RIMS2: variants seen among roughly 807,000 people sequenced by gnomAD.
RIMS2 encodes the protein regulating synaptic membrane exocytosis 2.
RIMS2 carries 59 observed loss-of-function variants against 174.4 expected under a neutral mutation model. The ratio of observed to expected loss-of-function variants is 0.34; its 90% CI spans 0.27 to 0.42. The LOEUF (loss-of-function observed/expected upper bound fraction) is 0.42, where lower values mean the gene tolerates loss of function less well. Among genes scored for constraint, RIMS2 ranks in the 10% least tolerant of loss-of-function variants. The probability of loss-of-function intolerance (pLI) is 1.00; values close to 1 mark genes in which losing one functional copy is unlikely to be tolerated. For synonymous variants in RIMS2, 606 were observed against 572.5 expected (o/e 1.06, Z -0.84); for missense variants, 1,620 against 1,666.3 (o/e 0.97, Z 0.48).
At chr8:104,029,597 T>C (rs1461457793) in intron 19 of RIMS2, among the ~76,000 whole-genome samples, 1 of 152,208 alleles carries the variant, frequency 6.6e-6, no homozygotes, top group Non-Finnish European at 1.5e-5. Context: ...TTTCAACAAA[T>C]ATTTGCTAAT....
At chr8:104,123,371 A>G (rs1322921278) in intron 19 of RIMS2, among the ~76,000 whole-genome samples, 1 of 152,052 alleles carries the variant, frequency 6.6e-6, no homozygotes, top group Non-Finnish European at 1.5e-5. Flanking sequence ...ATTATGTAGA[A>G]TGCACTAGTT....
chr8:103,555,564 C>T (rs1014551480), intron 1 of RIMS2, among the ~76,000 whole-genome samples: 1 of 152,008 alleles, frequency 6.6e-6, no homozygotes, highest in Non-Finnish European at 1.5e-5. Context: ...TATCTGTACT[C>T]CCATGTTCAT....
At chr8:103,888,610 C>T (rs1015664239) in intron 4 of RIMS2, among the ~76,000 whole-genome samples, 3 of 151,568 alleles carry the variant, frequency 2.0e-5, no homozygotes, top group Non-Finnish European at 4.4e-5. Flanking sequence ...ATGTAAAAAA[C>T]TCAGAAATGT....
chr8:104,071,515 A>ACCT (rs1315775082), intron 19 of RIMS2, among the ~76,000 whole-genome samples: 1 of 151,998 alleles, frequency 6.6e-6, no homozygotes, highest in Non-Finnish European at 1.5e-5. Flanking sequence ...GCTCACTGCA[A>ACCT]CCTCCGCCTC....
At chr8:103,582,723 G>A (rs1010095032) in intron 1 of RIMS2, among the ~76,000 whole-genome samples, 1 of 152,180 alleles carries the variant, frequency 6.6e-6, no homozygotes, top group African/African-American at 2.4e-5. Context: ...GGAGGGAAGA[G>A]TGGAAAGGAT....
chr8:103,975,706 G>A (rs2093355678), intron 16 of RIMS2, 200 bp downstream of exon 18: 1 of 420,296 alleles, frequency 2.4e-6, no homozygotes, highest in Non-Finnish European at 4.2e-6. Context: ...TAGTCCAAGT[G>A]TGAGTCCATT....
Position 103,512,931 on chromosome 8 carries a change from C to T in RIMS2, c.176+11869C>T, listed in dbSNP as rs909571123. Among the ~76,000 whole-genome samples, 10 of 152,240 alleles carry T rather than the reference C, an allele frequency of 6.6e-5. No individual in the cohort carries two copies. The South Asian group carries it at 1.4e-3, about 22-fold the overall frequency. ...TGTGTAACATAGTGAAGCTGATAAACTAAATCAGCAGGAAATTTTTTTTTG... is the reference window on the plus strand; with the variant it reads ...TGTGTAACATAGTGAAGCTGATAAATTAAATCAGCAGGAAATTTTTTTTTG... On this transcript the variant is annotated intron_variant, in intron 1 of 23. Coordinates refer to ENST00000504942, the Ensembl canonical transcript of RIMS2.
intron 3 of RIMS2, among the ~76,000 whole-genome samples, chr8:103,834,742 T>TTCTTTCTCTCTCTCTCTC (rs1406395709): frequency 1.0e-4 from 11 of 109,588 alleles, no homozygotes; most frequent in African/African-American, 4.7e-4. Context: ...CTTTCTTTCT[T>TTCTTTCTCTCTCTCTCTC]TCTCTCTCTT....
intron 14 of RIMS2, among the ~76,000 whole-genome samples, chr8:103,945,565 C>T (rs2083519410): frequency 6.6e-6 from 1 of 151,992 alleles, no homozygotes. Context: ...TCGAATCCAA[C>T]AGTGTATACA....
At chr8:103,562,675 C>T (rs530831540) in intron 1 of RIMS2, among the ~76,000 whole-genome samples, 3 of 152,298 alleles carry the variant, frequency 2.0e-5, no homozygotes, top group Admixed American at 6.5e-5. Context: ...CTTCTCATAG[C>T]TCCACTAGGC....
At chr8:103,628,018 T>G (rs1055209036) in intron 1 of RIMS2, among the ~76,000 whole-genome samples, 1 of 152,214 alleles carries the variant, frequency 6.6e-6, no homozygotes, top group African/African-American at 2.4e-5. Flanking sequence ...ATGCATGCTA[T>G]CTAGACCTCA....
intron 1 of RIMS2, among the ~76,000 whole-genome samples, chr8:103,661,535 G>A (rs1446410093): frequency 2.0e-5 from 3 of 151,466 alleles, no homozygotes; most frequent in Admixed American, 6.6e-5. Flanking sequence ...ACAGAGTCTC[G>A]CTCTGTCACC....
intron 1 of RIMS2, among the ~76,000 whole-genome samples, chr8:103,508,481 C>T (rs1047169945): frequency 3.3e-5 from 5 of 149,282 alleles, no homozygotes; most frequent in African/African-American, 1.2e-4. Context: ...AAAAAGAAGA[C>T]GATGCAGGAC....
chr8:104,101,180 G>A (rs1254148692), intron 19 of RIMS2, among the ~76,000 whole-genome samples: 5 of 149,684 alleles, frequency 3.3e-5, no homozygotes, highest in African/African-American at 1.2e-4. Context: ...ATGCTGGAGT[G>A]CAGTGGCACA....
intron 1 of RIMS2, among the ~76,000 whole-genome samples, chr8:103,587,780 A>G (rs181017620): frequency 6.6e-6 from 1 of 152,124 alleles, no homozygotes; most frequent in Non-Finnish European, 1.5e-5. Context: ...AAAGCCACAT[A>G]TGACAGACCC....
intron 1 of RIMS2, among the ~76,000 whole-genome samples, chr8:103,565,221 T>C (rs1052497740): frequency 1.1e-4 from 17 of 152,276 alleles, no homozygotes; most frequent in African/African-American, 4.1e-4. Flanking sequence ...GTACAGCAAC[T>C]CTCTTTAGCT....
chr8:103,567,376 G>A (rs545325839), intron 1 of RIMS2, among the ~76,000 whole-genome samples: 59 of 152,264 alleles, frequency 3.9e-4, no homozygotes, highest in Middle Eastern at 3.4e-3. Context: ...TGTCTCTCTA[G>A]ATTTGTCTGT....
At chr8:103,965,390 G>A (rs1954905) in intron 15 of RIMS2, among the ~76,000 whole-genome samples, 102,353 of 151,932 alleles carry the variant, frequency 0.67, 35,263 homozygotes, top group African/African-American at 0.72. Flanking sequence ...TAAGTATTTC[G>A]TTGTTGGGAA....
At chr8:103,779,511 A>G (rs1348754627) in intron 3 of RIMS2, among the ~76,000 whole-genome samples, 10 of 151,576 alleles carry the variant, frequency 6.6e-5, no homozygotes, top group Admixed American at 6.6e-4. Flanking sequence ...CTATCCTTTC[A>G]CCCTATGAAT....
Sources: allele counts gnomAD v4.1 joint callset (sites outside exome capture counted in the v4.1 genomes callset), GRCh38; gene constraint gnomAD v4.1.1; transcripts MANE v1.5; gene names NCBI Gene and HGNC (gene_info 2026-07-23, HGNC 2026-07-21).